SLC16A5: variants seen among roughly 807,000 people sequenced by gnomAD.
SLC16A5 encodes monocarboxylate transporter 6.
SLC16A5 carries 29 observed loss-of-function variants against 33.2 expected under a neutral mutation model. The observed-to-expected ratio is 0.87, with a 90% confidence interval of 0.65 to 1.19. The LOEUF is 1.19. Among genes scored for constraint, SLC16A5 ranks in the 50% most tolerant of loss-of-function variants. The pLI, the probability that SLC16A5 is intolerant of heterozygous loss-of-function variation, is 0.00. For missense variants in SLC16A5, 606 were observed against 678.2 expected (o/e 0.89, Z 1.18); for synonymous variants, 248 against 284.1 (o/e 0.87, Z 1.28).
At chr17:75,102,341 G>A (rs966324749) in intron 5 of SLC16A5, among the ~76,000 whole-genome samples, 1 of 152,154 alleles carries the variant, frequency 6.6e-6, no homozygotes, top group African/African-American at 2.4e-5. Flanking sequence ...CCGGGAGGTG[G>A]AGGTTACAGT....
chr17:75,106,037 C>T lies in SLC16A5; in HGVS notation c.*4C>T. The T allele has an allele frequency of 6.9e-7, 1 of 1,447,652 alleles. No homozygotes were observed. Among genetic ancestry groups the T allele is most frequent in the Non-Finnish European group, 9.5e-7 (1 of 1,051,740 alleles). 89.7% of individuals were successfully genotyped at this position (1,447,652 alleles called of 1,614,324 possible). On this transcript the variant is annotated 3_prime_UTR_variant, in exon 7 of 7. Coordinates refer to ENST00000329783, the MANE Select transcript of SLC16A5 (RefSeq NM_004695.4). ...GGGCTGGAATAGCCCTACCTGAGTG[C>T]CCTGTTTGACTCCGCCACTATCTGC...
At chr17:75,093,347 C>A (rs1427096368) in intron 2 of SLC16A5, 16 of 1,476,578 alleles carry the variant, frequency 1.1e-5, no homozygotes, top group Non-Finnish European at 1.3e-5. Flanking sequence ...TCCCTCCTAT[C>A]CCTCCTGTCC....
At chr17:75,105,720 C>A (rs2073854252) in intron 6 of SLC16A5, 160 bp from the exon 7 acceptor site, 1 of 985,348 alleles carries the variant, frequency 1.0e-6, no homozygotes, top group African/African-American at 1.7e-5. Context: ...ACTCTGTGAA[C>A]TAATGAAGCT....
chr17:75,088,607 G>T (rs1488483421), intron 1 of SLC16A5, among the ~76,000 whole-genome samples: 1 of 152,096 alleles, frequency 6.6e-6, no homozygotes, highest in African/African-American at 2.4e-5. Flanking sequence ...GAGCCCTTCT[G>T]CTGCCTGCCT....
chr17:75,093,869 C>A (rs1385925864), intron 3 of SLC16A5, 34 bp downstream of exon 3: 1 of 1,596,694 alleles, frequency 6.3e-7, no homozygotes, highest in Non-Finnish European at 8.6e-7. Context: ...ATGAGAAAGT[C>A]CTAGGGGTTG....
At chr17:75,104,981 C>T (rs1326168969) in intron 6 of SLC16A5, 48 of 985,352 alleles carry the variant, frequency 4.9e-5, no homozygotes, top group Non-Finnish European at 5.5e-5. Flanking sequence ...TCTCTGGCCT[C>T]CATACCGTTC....
chr17:75,089,522 AG>A (rs1233535983), intron 2 of SLC16A5, among the ~76,000 whole-genome samples: 1 of 152,066 alleles, frequency 6.6e-6, no homozygotes, highest in East Asian at 1.9e-4. Flanking sequence ...TGGGAGGCTG[AG>A]GCAGGCGGAT....
chr17:75,109,980 C>G (rs1372380980), downstream of SLC16A5: 19 of 325,048 alleles, frequency 5.8e-5, no homozygotes, highest in East Asian at 1.2e-3. The surrounding 1 kb of genome is among the most constrained non-coding windows in gnomAD (Gnocchi z 5.0). Flanking sequence ...GAACCGAGCC[C>G]AGGAGCCGGG....
chr17:75,093,304 A>ATTGC, intron 2 of SLC16A5: 1 of 1,014,154 alleles, frequency 9.9e-7, no homozygotes, highest in South Asian at 1.5e-5. Flanking sequence ...ATTGTACCCC[A>ATTGC]TTGCCTGGTG....
At chr17:75,088,765 G>T (rs1016487535) in intron 1 of SLC16A5, among the ~76,000 whole-genome samples, 1 of 152,144 alleles carries the variant, frequency 6.6e-6, no homozygotes. Flanking sequence ...CTGGACACCA[G>T]GCCCCTAACA....
intron 4 of SLC16A5, among the ~76,000 whole-genome samples, chr17:75,099,245 C>T (rs1486702982): frequency 6.6e-6 from 1 of 152,076 alleles, no homozygotes; most frequent in Admixed American, 6.6e-5. Context: ...AAAGAAGTTC[C>T]TGTGTCTTGA....
At chr17:75,100,907 T>G in intron 5 of SLC16A5, 91 bp downstream of exon 5, 2 of 1,275,478 alleles carry the variant, frequency 1.6e-6, no homozygotes. Flanking sequence ...CTCCAGAGGT[T>G]GTGCTACAGC....
rs2073627419 is a variant in SLC16A5 at position 75,090,752 on chromosome 17, C to G, written c.-49+1448C>G. ...GGGATTACAGGTGTGAGCCACCGCA[C>G]CCGGCCTGGCAGCAGAGCTTCTAGT... On this transcript the variant is annotated intron_variant, in intron 2 of 6. Transcript: ENST00000329783. Among the ~76,000 whole-genome samples the G allele has an allele frequency of 1.3e-5, 2 of 152,164 alleles. 1 individual carries two copies. The highest frequency in any genetic ancestry group is 4.1e-4 in the South Asian group (2 of 4,828).
intron 1 of SLC16A5, among the ~76,000 whole-genome samples, chr17:75,088,561 A>G (rs1383327293): frequency 1.3e-5 from 2 of 152,126 alleles, no homozygotes; most frequent in Non-Finnish European, 2.9e-5. Context: ...CTCAGCCCCA[A>G]GCTCAAGCCT....
At chr17:75,102,696 T>C (rs960859996) in intron 5 of SLC16A5, among the ~76,000 whole-genome samples, 1 of 151,896 alleles carries the variant, frequency 6.6e-6, no homozygotes, top group Admixed American at 6.6e-5. Context: ...TCCGTCCAAG[T>C]GTGGCGTTGG....
At chr17:75,097,878 A>C (rs2073740784) in intron 3 of SLC16A5, among the ~76,000 whole-genome samples, 160 bp from the exon 4 acceptor site, 1 of 152,166 alleles carries the variant, frequency 6.6e-6, no homozygotes, top group Non-Finnish European at 1.5e-5. Flanking sequence ...TGCTCAGGCC[A>C]CATGGCCAGT....
downstream of SLC16A5, chr17:75,109,987 C>CG (rs1598160503): frequency 6.2e-5 from 21 of 340,970 alleles, no homozygotes; most frequent in East Asian, 1.2e-3. This position sits in a 1 kb window ranked among gnomAD's most constrained non-coding sequence, Gnocchi z 5.0. Flanking sequence ...GCCCAGGAGC[C>CG]GGGGACGGTG....
upstream of SLC16A5, among the ~76,000 whole-genome samples, chr17:75,087,409 A>G (rs1311215659): frequency 1.3e-5 from 2 of 152,204 alleles, no homozygotes; most frequent in African/African-American, 2.4e-5. Flanking sequence ...AGGTAGGGGA[A>G]GAGGGAAAAA....
Position 75,106,093 on chromosome 17 carries a change from C to G in SLC16A5, c.*60C>G. On this transcript the variant is annotated 3_prime_UTR_variant, in exon 7 of 7. Coordinates refer to ENST00000329783, the MANE Select transcript of SLC16A5 (RefSeq NM_004695.4). Reference sequence around the variant, plus strand: ...GAGTTGGGCAAATTGTTGACCACCTCTGAGCCTTGAAAAAGTAGGAGGTTA... The same window carrying G: ...GAGTTGGGCAAATTGTTGACCACCTGTGAGCCTTGAAAAAGTAGGAGGTTA... 1.3e-6 allele frequency: 1 copy of G among 781,790 alleles called. No individual in the cohort carries two copies. The highest frequency in any genetic ancestry group is 2.0e-6 in the Non-Finnish European group (1 of 504,360). The allele number at this position is 781,790 out of a possible 1,614,324, so 48.4% of individuals were successfully genotyped here. A position where few individuals can be genotyped will look rare whatever the true frequency, so the allele number is the denominator to read the frequency against.
Sources: gnomAD v4.1 joint callset for allele counts (sites outside exome capture counted in the v4.1 genomes callset) on GRCh38, gnomAD v4.1.1 for gene constraint, Gnocchi (gnomAD v3.1) non-coding constraint, MANE v1.5 for transcripts, NCBI Gene and HGNC (gene_info 2026-07-23, HGNC 2026-07-21) for gene names.